HIRA: variants seen among roughly 807,000 people sequenced by gnomAD.
The protein encoded by HIRA is histone cell cycle regulator.
HIRA carries 13 observed loss-of-function variants against 126.6 expected under a neutral mutation model. That is an observed-to-expected ratio of 0.10 (90% confidence interval 0.07 to 0.16). The LOEUF (loss-of-function observed/expected upper bound fraction) is 0.16, where lower values mean the gene tolerates loss of function less well. Ranked by LOEUF, HIRA falls within the 10% of genes least tolerant of loss-of-function variation. The pLI, the probability that HIRA is intolerant of heterozygous loss-of-function variation, is 1.00. For synonymous variants in HIRA, 511 were observed against 520.0 expected, an observed-to-expected ratio of 0.98 and a Z score of 0.24; for missense variants, 834 against 1,314.4, an observed-to-expected ratio of 0.63 and a Z score of 5.65.
At position 19,351,998 on chromosome 22, in the gene HIRA, C is replaced by A. The variant is rs1281993568; in HGVS notation, c.2849-552G>T. Among the ~76,000 whole-genome samples the A allele has an allele frequency of 6.6e-6, 1 of 151,930 alleles. No homozygotes were observed. The highest frequency in any genetic ancestry group is 2.4e-5 in the African/African-American group (1 of 41,350). ...GGTAGAGTGTCGGGGTTTGTCAGCA[C>A]TTGGGGCAGCTAAAGCAATAGGGAA... On this transcript the variant is annotated intron_variant, in intron 23 of 24. Transcript: ENST00000263208. This position sits in a 1 kb window ranked among gnomAD's most constrained non-coding sequence, Gnocchi z 4.8.
intron 24 of HIRA, among the ~76,000 whole-genome samples, chr22:19,341,698 G>A (rs2088631185): frequency 6.6e-6 from 1 of 152,088 alleles, no homozygotes; most frequent in African/African-American, 2.4e-5. Context: ...TACAGAGTGG[G>A]GAACAAACAC....
At chr22:19,358,617 A>G (rs543365598) in intron 18 of HIRA, among the ~76,000 whole-genome samples, 1 of 152,056 alleles carries the variant, frequency 6.6e-6, no homozygotes, top group African/African-American at 2.4e-5. Flanking sequence ...CACAAAACTC[A>G]CTCAGGGCCC....
intron 24 of HIRA, among the ~76,000 whole-genome samples, chr22:19,349,164 G>C (rs2088726582): frequency 6.6e-6 from 1 of 151,450 alleles, no homozygotes; most frequent in Non-Finnish European, 1.5e-5. Context: ...GGAGTGCAGT[G>C]GTGTGATCTT....
At position 19,396,650 on chromosome 22, in the gene HIRA, T is replaced by C. The variant is rs574892451; in HGVS notation, c.654+137A>G. On this transcript the variant is annotated intron_variant, in intron 7 of 24. Coordinates refer to ENST00000263208, the MANE Select transcript of HIRA (RefSeq NM_003325.4). ...AGAGTCCCACCCCAGAGAGCCTTGG[T>C]GAATCCGCTCAGGCCCCCGGACTCT... 9.0e-6 allele frequency: 7 copies of C among 778,284 alleles called. No homozygotes were observed. In the South Asian group the frequency reaches 1.3e-4, roughly 14 times the overall value. 48.2% of individuals were successfully genotyped at this position (778,284 alleles called of 1,614,324 possible).
intron 24 of HIRA, among the ~76,000 whole-genome samples, chr22:19,338,111 C>T (rs1194116032): frequency 6.6e-6 from 1 of 152,072 alleles, no homozygotes; most frequent in Non-Finnish European, 1.5e-5. Flanking sequence ...ATCAGATTAA[C>T]AGCAGATTTC....
chr22:19,428,355 G>T (rs866256469), intron 1 of HIRA, among the ~76,000 whole-genome samples: 1 of 152,162 alleles, frequency 6.6e-6, no homozygotes, highest in Non-Finnish European at 1.5e-5. Context: ...AGGTGTTTGT[G>T]AAGTGCTACT....
chr22:19,405,566 G>A, intron 5 of HIRA: 1 of 937,792 alleles, frequency 1.1e-6, no homozygotes, highest in Non-Finnish European at 1.3e-6. Flanking sequence ...CCCCATGAGG[G>A]CAAGAGTGGG....
At chr22:19,370,339 G>A (rs1182173702) in intron 15 of HIRA, among the ~76,000 whole-genome samples, 3 of 152,148 alleles carry the variant, frequency 2.0e-5, no homozygotes, top group East Asian at 3.8e-4. Flanking sequence ...TGCTTCCTGC[G>A]TTTAAGGAAT....
chr22:19,382,217 T>C (rs766672659), intron 13 of HIRA, among the ~76,000 whole-genome samples: 7 of 152,176 alleles, frequency 4.6e-5, no homozygotes, highest in Non-Finnish European at 8.8e-5. Context: ...GCTAGAAATA[T>C]GCATCCTATG....
intron 1 of HIRA, among the ~76,000 whole-genome samples, chr22:19,422,201 T>TACAC (rs1446755323): frequency 0.077 from 10,288 of 133,176 alleles, 413 homozygotes; most frequent in Middle Eastern, 0.18. Context: ...CACATACACA[T>TACAC]ATATATATAT....
intron 18 of HIRA, among the ~76,000 whole-genome samples, chr22:19,358,791 C>G (rs1193314873): frequency 1.3e-5 from 2 of 152,126 alleles, no homozygotes; most frequent in Non-Finnish European, 2.9e-5. Context: ...CATTGGTTCC[C>G]CTTCCACATT....
chr22:19,384,770 C>T (rs2089109965), intron 12 of HIRA, among the ~76,000 whole-genome samples: 1 of 151,814 alleles, frequency 6.6e-6, no homozygotes, highest in African/African-American at 2.4e-5. Flanking sequence ...TTCTCCTGCT[C>T]AGCCTCCCAT....
chr22:19,348,316 A>C (rs1244936408), intron 24 of HIRA, among the ~76,000 whole-genome samples: 2 of 152,246 alleles, frequency 1.3e-5, no homozygotes, highest in African/African-American at 4.8e-5. Flanking sequence ...TAAGGAGATA[A>C]GACAATCTGA....
chr22:19,391,957 T>G, intron 9 of HIRA, 144 bp downstream of exon 9: 2 of 480,478 alleles, frequency 4.2e-6, no homozygotes, highest in Non-Finnish European at 3.8e-6. Context: ...GGAGAGCCTG[T>G]GAGCTTCCAA....
intron 8 of HIRA, among the ~76,000 whole-genome samples, chr22:19,393,410 T>A (rs2089198245): frequency 6.6e-6 from 1 of 152,170 alleles, no homozygotes; most frequent in South Asian, 2.1e-4. Context: ...CAGGCTGGAG[T>A]ACGGTGGCGC....
In HIRA at chr22:19,359,465, A is replaced by G. The variant is rs764073070; in HGVS notation, c.2105T>C (p.Met702Thr). ...FTLQVSSDPSMYIEVENEVTV... is the reference protein window; with the variant it reads ...FTLQVSSDPSTYIEVENEVTV... ...CACTTCATTCTCCACCTCAATGTACATGGAAGGATCGGAGCTGACCTGGAT... is the reference window on the plus strand; with the variant it reads ...CACTTCATTCTCCACCTCAATGTACGTGGAAGGATCGGAGCTGACCTGGAT... The change falls in exon 18 of 25, where the codon ATG becomes ACG. Residue 702 changes from methionine (M) to threonine (T), a missense_variant. Met to Thr is a moderately conservative substitution (Grantham distance 81). Transcript: ENST00000263208. The G allele has an allele frequency of 4.4e-6, 7 of 1,607,676 alleles. No homozygotes were observed. Among genetic ancestry groups the G allele is most frequent in the African/African-American group, 1.3e-5 (1 of 74,742 alleles).
chr22:19,414,123 T>C (rs1237920559), intron 1 of HIRA, among the ~76,000 whole-genome samples: 1 of 152,084 alleles, frequency 6.6e-6, no homozygotes, highest in Non-Finnish European at 1.5e-5. Flanking sequence ...CACCAAGCAA[T>C]CACCTATCCT....
rs57853722 is a variant in HIRA at position 19,429,133 on chromosome 22, CTTTT to C, written c.37+2303_37+2306del. On this transcript the variant is annotated intron_variant, in intron 1 of 24. Transcript: ENST00000263208. ...TCCCATCCTGCCAGAGTTGCCATAT[CTTTT>C]TTTTTTTTTTTTTTTTTTTTTGAGA... Among the ~76,000 whole-genome samples, 720 of 77,278 alleles carry C rather than the reference CTTTT, an allele frequency of 9.3e-3. 2 individuals are homozygous for C. Among genetic ancestry groups the C allele is most frequent in the African/African-American group, 0.035 (656 of 18,690 alleles). 50.7% of individuals were successfully genotyped at this position (77,278 alleles called of 152,430 possible). A position where few individuals can be genotyped will look rare whatever the true frequency, so the allele number is the denominator to read the frequency against.
rs2089415501 is a variant in HIRA, at chr22:19,418,300, G to A, written c.38-7522C>T. 2.0e-5 allele frequency among the ~76,000 whole-genome samples: 3 copies of A among 152,062 alleles called. No individual in the cohort carries two copies. In the South Asian group the frequency reaches 6.2e-4, roughly 32 times the overall value. ...AACCAAAAATAAAAATAAATAAAAT[G>A]GAGGAGTGTAGGAGGGAGGTGGGTG... On this transcript the variant is annotated intron_variant, in intron 1 of 24. Transcript: ENST00000263208.
Sources: allele counts gnomAD v4.1 joint callset (sites outside exome capture counted in the v4.1 genomes callset), GRCh38; gene constraint gnomAD v4.1.1; non-coding constraint Gnocchi (gnomAD v3.1); transcripts MANE v1.5; gene names NCBI Gene and HGNC (gene_info 2026-07-23, HGNC 2026-07-21).